MAF: variants seen among roughly 807,000 people sequenced by gnomAD.
MAF encodes MAF bZIP transcription factor.
Under a neutral mutation model 22.0 loss-of-function variants are expected in MAF, and 10 were observed. The ratio of observed to expected loss-of-function variants is 0.45; its 90% CI spans 0.28 to 0.77. MAF has a LOEUF of 0.77. Among genes scored for constraint, MAF ranks in the 30% least tolerant of loss-of-function variants. The pLI, the probability that MAF is intolerant of heterozygous loss-of-function variation, is 0.12. For missense variants in MAF, 544 were observed against 548.4 expected (o/e 0.99, Z 0.08); for synonymous variants, 337 against 255.8 (o/e 1.32, Z -3.03).
downstream of MAF, among the ~76,000 whole-genome samples, chr16:79,593,632 C>T (rs1381716260): frequency 1.3e-5 from 2 of 152,140 alleles, no homozygotes; most frequent in Non-Finnish European, 1.5e-5. Context: ...ATGATGTCTC[C>T]GTAGCAGATT....
At chr16:79,215,404 T>C in the MAF span, among the ~76,000 whole-genome samples, 1 of 152,186 alleles carries the variant, frequency 6.6e-6, no homozygotes, top group Non-Finnish European at 1.5e-5. Context: ...GAGGTGACTT[T>C]ATGGGTCTGA....
chr16:79,222,871 A>G, the MAF span, among the ~76,000 whole-genome samples: 1 of 152,246 alleles, frequency 6.6e-6, no homozygotes, highest in African/African-American at 2.4e-5. Context: ...TCATAAAGCA[A>G]GTTCTTAAAG....
chr16:79,321,085 G>T, the MAF span, among the ~76,000 whole-genome samples: 2 of 152,194 alleles, frequency 1.3e-5, no homozygotes, highest in Non-Finnish European at 2.9e-5. Flanking sequence ...ATTACTGTCC[G>T]TTTGTTTACT....
the MAF span, among the ~76,000 whole-genome samples, chr16:79,410,084 C>T: frequency 2.5e-4 from 38 of 152,268 alleles, no homozygotes; most frequent in African/African-American, 5.5e-4. Context: ...TTGGCGAATC[C>T]CAGTGGCCAT....
At chr16:79,461,508 G>A in the MAF span, among the ~76,000 whole-genome samples, 307 of 152,228 alleles carry the variant, frequency 2.0e-3, 1 homozygote, top group Middle Eastern at 6.8e-3. Flanking sequence ...AAGCCCTCAC[G>A]CGCCAGGCCA....
chr16:79,484,981 G>T, the MAF span, among the ~76,000 whole-genome samples: 1 of 152,214 alleles, frequency 6.6e-6, no homozygotes, highest in African/African-American at 2.4e-5. Context: ...CCCCAGGTAA[G>T]CTGCTCAACT....
chr16:79,343,238 A>ACCC, the MAF span, among the ~76,000 whole-genome samples: 5 of 146,384 alleles, frequency 3.4e-5, no homozygotes, highest in South Asian at 1.2e-3. Context: ...ATCAGCCCCA[A>ACCC]CCCCCCCCCA....
At chr16:79,566,792 G>C in the MAF span, among the ~76,000 whole-genome samples, 1 of 152,124 alleles carries the variant, frequency 6.6e-6, no homozygotes, top group Non-Finnish European at 1.5e-5. Context: ...CATGGAAATG[G>C]GACTCTCACC....
chr16:79,435,065 C>G, the MAF span, among the ~76,000 whole-genome samples: 2 of 152,188 alleles, frequency 1.3e-5, no homozygotes, highest in African/African-American at 2.4e-5. Flanking sequence ...CACATCCCAT[C>G]AACGAAGACT....
the MAF span, among the ~76,000 whole-genome samples, chr16:79,261,776 C>T: frequency 6.6e-6 from 1 of 152,152 alleles, no homozygotes; most frequent in African/African-American, 2.4e-5. Context: ...GAGGGCAGGG[C>T]CTGGCCTCAA....
the MAF span, among the ~76,000 whole-genome samples, chr16:79,357,988 CGT>C: frequency 6.6e-6 from 1 of 152,154 alleles, no homozygotes; most frequent in Admixed American, 6.5e-5. Flanking sequence ...TCTTGGACAC[CGT>C]GTGAAGGTAC....
At chr16:79,292,688 G>T in the MAF span, among the ~76,000 whole-genome samples, 1 of 152,234 alleles carries the variant, frequency 6.6e-6, no homozygotes, top group South Asian at 2.1e-4. Flanking sequence ...TAAGTCACAG[G>T]ATGAGATACA....
the MAF span, among the ~76,000 whole-genome samples, chr16:79,431,162 C>T: frequency 6.6e-6 from 1 of 152,078 alleles, no homozygotes; most frequent in Non-Finnish European, 1.5e-5. Context: ...CCATCCTCAC[C>T]CCATCCCTCA....
the MAF span, among the ~76,000 whole-genome samples, chr16:79,257,908 A>T: frequency 5.9e-5 from 9 of 152,342 alleles, 1 homozygote; most frequent in Admixed American, 2.6e-4. Context: ...AATTTTGCCC[A>T]GATGTTATCA....
chr16:79,545,712 G>A, the MAF span, among the ~76,000 whole-genome samples: 1 of 152,080 alleles, frequency 6.6e-6, no homozygotes, highest in African/African-American at 2.4e-5. Context: ...GCCCATAGAA[G>A]CAGAGAGTAG....
the MAF span, among the ~76,000 whole-genome samples, chr16:79,448,528 C>T: frequency 4.6e-5 from 7 of 151,964 alleles, no homozygotes; most frequent in African/African-American, 1.7e-4. Context: ...CAGGTCCAGG[C>T]AATTATCCTG....
chr16:79,565,673 A>C, the MAF span, among the ~76,000 whole-genome samples: 4 of 152,204 alleles, frequency 2.6e-5, no homozygotes, highest in Non-Finnish European at 2.9e-5. Context: ...TTCTGCCATA[A>C]TTGTAAGTTT....
At chr16:79,459,976 G>C in the MAF span, among the ~76,000 whole-genome samples, 6 of 152,274 alleles carry the variant, frequency 3.9e-5, no homozygotes, top group South Asian at 1.0e-3. Flanking sequence ...GGGTCAGTGG[G>C]TATGTGCATT....
At chr16:79,529,425 G>C in the MAF span, among the ~76,000 whole-genome samples, 1 of 152,140 alleles carries the variant, frequency 6.6e-6, no homozygotes, top group African/African-American at 2.4e-5. Flanking sequence ...AGAGAAAGTT[G>C]GGTGAAGCAT....
Sources: allele counts gnomAD v4.1 joint callset (sites outside exome capture counted in the v4.1 genomes callset), GRCh38; gene constraint gnomAD v4.1.1; transcripts MANE v1.5; gene names NCBI Gene and HGNC (gene_info 2026-07-23, HGNC 2026-07-21).